Variants in PTPRK observed in about 807,000 individuals in gnomAD.
PTPRK encodes protein tyrosine phosphatase receptor type K.
PTPRK carries 75 observed loss-of-function variants against 178.0 expected under a neutral mutation model. That is an observed-to-expected ratio of 0.42 (90% CI 0.35 to 0.51). The LOEUF is 0.51. PTPRK is among the 20% of genes least tolerant of loss of function. PTPRK has a pLI of 0.02. For synonymous variants in PTPRK, 637 were observed against 620.6 expected (o/e 1.03, Z -0.39); for missense variants, 1,441 against 1,797.8 (o/e 0.80, Z 3.59).
At chr6:128,304,155 T>C (rs886168130) in intron 3 of PTPRK, among the ~76,000 whole-genome samples, 5 of 152,210 alleles carry the variant, frequency 3.3e-5, no homozygotes, top group Non-Finnish European at 5.9e-5. Context: ...TGGGGTGACA[T>C]AAGACCTCTT....
intron 3 of PTPRK, among the ~76,000 whole-genome samples, chr6:128,302,614 T>C (rs925661923): frequency 1.1e-4 from 16 of 152,270 alleles, no homozygotes; most frequent in Non-Finnish European, 2.2e-4. Context: ...TGAAACATTC[T>C]CTTCCTTTAA....
intron 2 of PTPRK, among the ~76,000 whole-genome samples, chr6:128,343,036 A>T (rs1486078428): frequency 2.0e-5 from 3 of 152,192 alleles, no homozygotes; most frequent in Non-Finnish European, 4.4e-5. Context: ...TCTTATTGTG[A>T]AAAAGTACAG....
chr6:128,429,955 A>C, intron 1 of PTPRK, among the ~76,000 whole-genome samples: 1 of 152,338 alleles, frequency 6.6e-6, no homozygotes, highest in Middle Eastern at 3.4e-3. Flanking sequence ...TAGGTATGAA[A>C]TTTTATTTAT....
At chr6:128,195,902 A>G (rs1311561017) in intron 6 of PTPRK, among the ~76,000 whole-genome samples, 1 of 152,166 alleles carries the variant, frequency 6.6e-6, no homozygotes, top group African/African-American at 2.4e-5. Flanking sequence ...ATTAATTAGC[A>G]ATTGTCCAAA....
chr6:128,213,541 G>A (rs747000478), intron 6 of PTPRK, among the ~76,000 whole-genome samples: 1 of 151,972 alleles, frequency 6.6e-6, no homozygotes, highest in South Asian at 2.1e-4. Flanking sequence ...TTCCTGTCAA[G>A]ATGACCAGTT....
chr6:128,431,434 A>G (rs545129345), intron 1 of PTPRK, among the ~76,000 whole-genome samples: 3 of 152,194 alleles, frequency 2.0e-5, no homozygotes, highest in Non-Finnish European at 4.4e-5. Flanking sequence ...AATAAATAAA[A>G]CACCAGATTC....
chr6:128,311,737 C>T (rs966648793), intron 3 of PTPRK, among the ~76,000 whole-genome samples: 6 of 152,072 alleles, frequency 3.9e-5, no homozygotes, highest in African/African-American at 7.2e-5. Context: ...TGGGTTCAAG[C>T]GATCCTCCTG....
At chr6:127,991,581 G>T (rs1337078335) in intron 19 of PTPRK, among the ~76,000 whole-genome samples, 190 bp from the exon 20 acceptor site, 5 of 135,494 alleles carry the variant, frequency 3.7e-5, no homozygotes, top group East Asian at 4.3e-4. Context: ...GCATATACAA[G>T]TTTTTTTTTT....
At chr6:128,263,218 A>G (rs1202901435) in intron 3 of PTPRK, among the ~76,000 whole-genome samples, 2 of 152,126 alleles carry the variant, frequency 1.3e-5, no homozygotes, top group African/African-American at 4.8e-5. Flanking sequence ...AGTTCTTGGG[A>G]GGACTTGGTA....
At chr6:128,385,468 T>A (rs1330535144) in intron 2 of PTPRK, among the ~76,000 whole-genome samples, 1 of 152,152 alleles carries the variant, frequency 6.6e-6, no homozygotes, top group Non-Finnish European at 1.5e-5. Context: ...TCAGGTAATA[T>A]AAAATGTGTC....
intron 3 of PTPRK, among the ~76,000 whole-genome samples, chr6:128,311,594 G>A (rs1057005566): frequency 1.3e-5 from 2 of 152,044 alleles, no homozygotes; most frequent in Non-Finnish European, 1.5e-5. Flanking sequence ...TGCTATCTAT[G>A]CCTTATAATT....
In PTPRK at chr6:127,973,058, T is replaced by C. The variant is rs1410041190; in HGVS notation, c.4233A>G (p.Thr1411=). ...CCATGTTTGGCTTGCTGTTCCTCAG[T>C]GTCTTTACTGCATGGAAAACATCGA... ...NVVDVFHAVK[T]LRNSKPNMVE... Residue 1411 remains threonine (T), a synonymous_variant, in exon 29 of 30, where the codon ACA becomes ACG. Transcript: ENST00000368226. 6.2e-7 allele frequency: 1 copy of C among 1,614,118 alleles called. No individual in the cohort carries two copies. The highest frequency in any genetic ancestry group is 1.1e-5 in the South Asian group (1 of 91,084).
intron 1 of PTPRK, among the ~76,000 whole-genome samples, chr6:128,517,303 A>G (rs1858216643): frequency 6.6e-6 from 1 of 152,154 alleles, no homozygotes; most frequent in South Asian, 2.1e-4. Context: ...GTTGGGTATT[A>G]TTATCCCCAT....
chr6:128,034,141 C>T (rs1775811854), intron 13 of PTPRK, among the ~76,000 whole-genome samples: 1 of 152,096 alleles, frequency 6.6e-6, no homozygotes, highest in Non-Finnish European at 1.5e-5. Context: ...ACATTATTAT[C>T]ATTATTATGT....
At chr6:128,190,411 T>C (rs1803564361) in intron 6 of PTPRK, among the ~76,000 whole-genome samples, 1 of 151,796 alleles carries the variant, frequency 6.6e-6, no homozygotes, top group Admixed American at 6.6e-5. Context: ...ATTTACTTTG[T>C]ACACTGATAG....
chr6:128,033,781 G>C (rs189731778), intron 13 of PTPRK, among the ~76,000 whole-genome samples: 7 of 152,144 alleles, frequency 4.6e-5, no homozygotes, highest in Admixed American at 3.3e-4. Context: ...AGAGACTGAG[G>C]GGGGAGTATT....
intron 2 of PTPRK, among the ~76,000 whole-genome samples, chr6:128,341,980 C>T (rs543080269): frequency 8.7e-4 from 132 of 152,264 alleles, no homozygotes; most frequent in African/African-American, 3.0e-3. Context: ...CGGCCAGTCG[C>T]AGTGGCTCAC....
chr6:128,198,270 A>G (rs1805277801), intron 6 of PTPRK, among the ~76,000 whole-genome samples: 1 of 152,182 alleles, frequency 6.6e-6, no homozygotes, highest in African/African-American at 2.4e-5. Context: ...TTCCTAAAAT[A>G]AATGCACTGC....
intron 3 of PTPRK, among the ~76,000 whole-genome samples, chr6:128,298,899 G>A: frequency 6.6e-6 from 1 of 152,054 alleles, no homozygotes; most frequent in Non-Finnish European, 1.5e-5. Flanking sequence ...GAAATAAAGG[G>A]TATTCAATTA....
Sources: gnomAD v4.1 joint callset for allele counts (sites outside exome capture counted in the v4.1 genomes callset) on GRCh38, gnomAD v4.1.1 for gene constraint, MANE v1.5 for transcripts, NCBI Gene and HGNC (gene_info 2026-07-23, HGNC 2026-07-21) for gene names.